Variants in TG observed in about 807,000 individuals in gnomAD.
TG encodes the protein thyroglobulin, also known as thyroid hormones.
Under a neutral mutation model 324.7 loss-of-function variants are expected in TG, and 270 were observed. That is an observed-to-expected ratio of 0.83 (90% CI 0.75 to 0.92). The LOEUF is 0.92. TG is among the 40% of genes least tolerant of loss of function. The pLI is 0.00. For synonymous variants in TG, 1,401 were observed against 1,327.0 expected, an observed-to-expected ratio of 1.06 and a Z score of -1.21; for missense variants, 3,591 against 3,456.4, an observed-to-expected ratio of 1.04 and a Z score of -0.98.
chr8:132,882,748 A>C (rs1814827599), intron 7 of TG, 66 bp from the exon 8 acceptor site: 5 of 1,611,846 alleles, frequency 3.1e-6, no homozygotes, highest in Non-Finnish European at 4.2e-6. Context: ...AGCAAACAGC[A>C]GTGCATGCTG....
At chr8:132,943,433 G>A (rs1452088557) in intron 26 of TG, among the ~76,000 whole-genome samples, 1 of 152,092 alleles carries the variant, frequency 6.6e-6, no homozygotes, top group African/African-American at 2.4e-5. Flanking sequence ...GCAGAATCAT[G>A]AGCCAATTAA....
chr8:132,936,010 T>C, intron 25 of TG, 146 bp downstream of exon 25: 1 of 715,852 alleles, frequency 1.4e-6, no homozygotes, highest in African/African-American at 1.7e-5. Flanking sequence ...CTGAGCTCCA[T>C]CCTTTGGCAG....
At chr8:133,036,170 C>T (rs1422299185) in intron 41 of TG, among the ~76,000 whole-genome samples, 1 of 152,240 alleles carries the variant, frequency 6.6e-6, no homozygotes, top group Non-Finnish European at 1.5e-5. Flanking sequence ...TCAGCCCAAA[C>T]ATTGCCTCTG....
At chr8:132,925,952 C>A (rs771421623) in intron 22 of TG, among the ~76,000 whole-genome samples, 2 of 152,210 alleles carry the variant, frequency 1.3e-5, no homozygotes, top group Admixed American at 6.5e-5. Context: ...CTCCCTGAGG[C>A]GCTGGCTTCT....
chr8:132,900,307 A>C lies in TG; in HGVS notation c.3401A>C (p.Glu1134Ala). 1.2e-6 allele frequency: 2 copies of C among 1,613,806 alleles called. No homozygotes were observed. Among genetic ancestry groups the C allele is most frequent in the Non-Finnish European group, 1.7e-6 (2 of 1,179,940 alleles). Residue 1134 changes from glutamate (E) to alanine (A), a missense_variant, in exon 15 of 48, where the codon GAG becomes GCG. By Grantham distance (107) the Glu-to-Ala change is moderately radical. Transcript: ENST00000220616. ...TGTGTGGACCCTGCATCAGGAGAAG[A>C]GTTGCGGCCTGGCTCGAGCAGCAGT... ...TWCVDPASGE[E>A]LRPGSSSSAQ... is the part of the protein sequence containing the mutation.
intron 37 of TG, 55 bp downstream of exon 37, chr8:133,013,819 G>A: frequency 6.4e-7 from 1 of 1,574,520 alleles, no homozygotes; most frequent in Non-Finnish European, 8.6e-7. Flanking sequence ...TCTGGGGAAG[G>A]GACTATTTAA....
At chr8:133,128,272 C>G (rs1851674261) in intron 45 of TG, among the ~76,000 whole-genome samples, 1 of 150,454 alleles carries the variant, frequency 6.6e-6, no homozygotes, top group African/African-American at 2.4e-5. Flanking sequence ...CCCAACACCC[C>G]TTTTCTAATT....
At chr8:133,081,018 G>A (rs1235835250) in intron 41 of TG, among the ~76,000 whole-genome samples, 8 of 152,264 alleles carry the variant, frequency 5.3e-5, no homozygotes. Flanking sequence ...GAAGTACTTA[G>A]GAGTTGTGTG....
chr8:132,939,456 T>C (rs1824100835), intron 25 of TG, among the ~76,000 whole-genome samples: 1 of 152,070 alleles, frequency 6.6e-6, no homozygotes, highest in Non-Finnish European at 1.5e-5. Context: ...AGAGATGAAT[T>C]CTAACTGTAC....
At chr8:132,963,946 A>T (rs1354466344) in intron 29 of TG, among the ~76,000 whole-genome samples, 4 of 152,064 alleles carry the variant, frequency 2.6e-5, no homozygotes, top group Non-Finnish European at 4.4e-5. Context: ...CCCTGGATTC[A>T]TGTGTAAAAG....
At chr8:133,071,654 G>C (rs1024627383) in intron 41 of TG, among the ~76,000 whole-genome samples, 12 of 151,962 alleles carry the variant, frequency 7.9e-5, no homozygotes, top group African/African-American at 1.2e-4. Context: ...GGGGAGGAGT[G>C]GGGGGAGGAG....
chr8:132,882,483 C>T lies in TG; in HGVS notation c.760C>T (p.Leu254=), dbSNP rs191424204. The part of the protein sequence containing the change: ...ELAETGLELL[L]DEIYDTIFAG... ...TCTTTGCTCAGGTTTGGAGTTGTTA[C>T]TGGATGAAATTTATGACACCATTTT... Residue 254 remains leucine (L), a synonymous_variant, in exon 7 of 48, where the codon CTG becomes TTG. Coordinates refer to ENST00000220616, the MANE Select transcript of TG (RefSeq NM_003235.5). 1.5e-4 allele frequency: 250 copies of T among 1,614,164 alleles called. No homozygotes were observed. Among genetic ancestry groups the T allele is most frequent in the Admixed American group, 2.7e-4 (16 of 60,026 alleles).
intron 34 of TG, among the ~76,000 whole-genome samples, chr8:132,978,856 T>C (rs1403482): frequency 0.6 from 91,148 of 151,444 alleles, 28,660 homozygotes; most frequent in African/African-American, 0.73. Context: ...GATCAAAGGA[T>C]GGAGCAGAGT....
At chr8:133,083,706 A>C (rs1192429447) in intron 41 of TG, among the ~76,000 whole-genome samples, 3 of 152,174 alleles carry the variant, frequency 2.0e-5, no homozygotes, top group Non-Finnish European at 4.4e-5. Flanking sequence ...TCTTTAAAAT[A>C]ATAATAATTA....
At chr8:133,110,705 A>G (rs1011999429) in intron 43 of TG, among the ~76,000 whole-genome samples, 7 of 152,188 alleles carry the variant, frequency 4.6e-5, no homozygotes, top group Admixed American at 4.6e-4. Flanking sequence ...ACGCTGTGAA[A>G]TAGATTTTAC....
chr8:132,935,970 TCC>T, intron 25 of TG, 106 bp downstream of exon 25: 1 of 833,084 alleles, frequency 1.2e-6, no homozygotes, highest in Non-Finnish European at 2.0e-6. Flanking sequence ...ACTGTCCCGC[TCC>T]CCACTCCACA....
intron 35 of TG, among the ~76,000 whole-genome samples, chr8:132,999,516 G>A (rs755812894): frequency 2.5e-4 from 38 of 152,096 alleles, no homozygotes; most frequent in Non-Finnish European, 5.3e-4. Flanking sequence ...TGGTTCCCAG[G>A]TGTGGACTAC....
chr8:133,087,069 T>C (rs1462311296), intron 41 of TG, among the ~76,000 whole-genome samples: 2 of 124,336 alleles, frequency 1.6e-5, no homozygotes, highest in Non-Finnish European at 3.3e-5. Context: ...TGAATATATG[T>C]TTACACACAC....
chr8:133,083,355 G>T (rs1233138514), intron 41 of TG, among the ~76,000 whole-genome samples: 1 of 152,038 alleles, frequency 6.6e-6, no homozygotes, highest in East Asian at 1.9e-4. Flanking sequence ...CTTGAAACAT[G>T]TATGCACTTT....
Sources: allele counts gnomAD v4.1 joint callset (sites outside exome capture counted in the v4.1 genomes callset), GRCh38; gene constraint gnomAD v4.1.1; transcripts MANE v1.5; gene names NCBI Gene and HGNC (gene_info 2026-07-23, HGNC 2026-07-21).